Variants in VPS13B observed in about 807,000 individuals in gnomAD.
VPS13B encodes the protein vacuolar protein sorting 13 homolog B, also known as intermembrane lipid transfer protein VPS13B.
In VPS13B, 285 loss-of-function variants were observed where a neutral mutation model predicts 426.4. The observed-to-expected ratio is 0.67, with a 90% CI of 0.61 to 0.74. The LOEUF is 0.74. Among genes scored for constraint, VPS13B ranks in the 30% least tolerant of loss-of-function variants. The pLI, the probability that VPS13B is intolerant of heterozygous loss-of-function variation, is 0.00. For synonymous variants in VPS13B, 1,676 were observed against 1,676.4 expected, an observed-to-expected ratio of 1.00 and a Z score of 0.01; for missense variants, 4,537 against 4,782.6, an observed-to-expected ratio of 0.95 and a Z score of 1.51.
At chr8:99,788,448 A>G (rs1812382373) in intron 43 of VPS13B, among the ~76,000 whole-genome samples, 1 of 151,748 alleles carries the variant, frequency 6.6e-6, no homozygotes, top group African/African-American at 2.4e-5. Flanking sequence ...GCAGCAGAGC[A>G]TCTTGGAAAT....
At chr8:99,573,988 TG>T (rs2133804924) in intron 31 of VPS13B, among the ~76,000 whole-genome samples, 1 of 152,338 alleles carries the variant, frequency 6.6e-6, no homozygotes, top group Non-Finnish European at 1.5e-5. Flanking sequence ...AGCAGTGGTT[TG>T]TAGTTCTCCT....
intron 23 of VPS13B, among the ~76,000 whole-genome samples, chr8:99,448,886 T>C (rs891097287): frequency 2.0e-5 from 3 of 152,218 alleles, no homozygotes; most frequent in Non-Finnish European, 4.4e-5. Flanking sequence ...CAATCATTTA[T>C]GTTCAAGCAG....
At chr8:99,283,382 A>G (rs1011751454) in intron 19 of VPS13B, among the ~76,000 whole-genome samples, 5 of 152,166 alleles carry the variant, frequency 3.3e-5, no homozygotes, top group East Asian at 3.8e-4. Context: ...CCAGTTTTCT[A>G]TCACGTTCCC....
chr8:99,151,860 A>G (rs1262014428), intron 14 of VPS13B, among the ~76,000 whole-genome samples: 2 of 152,010 alleles, frequency 1.3e-5, no homozygotes, highest in Non-Finnish European at 2.9e-5. Flanking sequence ...AAAAATTATC[A>G]TTTTAGTGTC....
At chr8:99,465,985 T>C (rs1819090891) in intron 23 of VPS13B, among the ~76,000 whole-genome samples, 1 of 152,136 alleles carries the variant, frequency 6.6e-6, no homozygotes, top group Non-Finnish European at 1.5e-5. Context: ...TTCAAACTTA[T>C]AAGAATGTAT....
At chr8:99,756,956 T>C (rs1203957284) in intron 39 of VPS13B, among the ~76,000 whole-genome samples, 1 of 152,212 alleles carries the variant, frequency 6.6e-6, no homozygotes, top group Non-Finnish European at 1.5e-5. Context: ...TTAACTTCAC[T>C]GAGCCATATT....
At chr8:99,858,698 G>A (rs1816679903) in intron 56 of VPS13B, among the ~76,000 whole-genome samples, 1 of 151,842 alleles carries the variant, frequency 6.6e-6, no homozygotes, top group Non-Finnish European at 1.5e-5. Flanking sequence ...AAAAAAAAAT[G>A]TCCCTGTCTC....
chr8:99,335,227 G>A (rs146650535), intron 19 of VPS13B, among the ~76,000 whole-genome samples: 12 of 151,892 alleles, frequency 7.9e-5, no homozygotes, highest in Non-Finnish European at 1.5e-4. Context: ...ATTTTATTGC[G>A]TCTATTTGAT....
chr8:99,299,779 G>C (rs1820262401), intron 19 of VPS13B, among the ~76,000 whole-genome samples: 1 of 151,932 alleles, frequency 6.6e-6, no homozygotes, highest in African/African-American at 2.4e-5. Flanking sequence ...GCGTGGTGGT[G>C]GGCCTCTGTA....
intron 34 of VPS13B, among the ~76,000 whole-genome samples, chr8:99,648,363 G>T (rs1829678928): frequency 6.6e-6 from 1 of 152,174 alleles, no homozygotes; most frequent in Admixed American, 6.5e-5. Flanking sequence ...AAGTTCCAGA[G>T]AAGCAATTTA....
chr8:99,501,632 TTC>T, intron 25 of VPS13B, 53 bp from the exon 26 acceptor site: 3 of 1,530,658 alleles, frequency 2.0e-6, no homozygotes, highest in Non-Finnish European at 2.7e-6. Flanking sequence ...AATTTGTATT[TTC>T]TGTTATTTTT....
At chr8:99,047,691 C>CT (rs748390469) in intron 3 of VPS13B, among the ~76,000 whole-genome samples, 37 of 151,634 alleles carry the variant, frequency 2.4e-4, no homozygotes, top group Non-Finnish European at 4.3e-4. Flanking sequence ...CTTTCCTTTT[C>CT]TTTTTTTTAT....
chr8:99,350,035 G>C (rs563334204), intron 19 of VPS13B, among the ~76,000 whole-genome samples: 7 of 152,296 alleles, frequency 4.6e-5, no homozygotes, highest in African/African-American at 1.4e-4. Flanking sequence ...AGATTATACA[G>C]TCAGAGGTTC....
At chr8:99,439,354 G>A (rs1817566572) in intron 22 of VPS13B, among the ~76,000 whole-genome samples, 1 of 152,084 alleles carries the variant, frequency 6.6e-6, no homozygotes, top group African/African-American at 2.4e-5. Context: ...AATTCTGTAA[G>A]GATATTAATA....
At chr8:99,044,853 TACACACACACACACACACACACAC>T (rs60056711) in intron 3 of VPS13B, among the ~76,000 whole-genome samples, 18 of 139,888 alleles carry the variant, frequency 1.3e-4, no homozygotes, top group Admixed American at 6.5e-4. Context: ...TTCCATTTTA[TACACACACACACACACACACACAC>T]ACACACACAC....
intron 3 of VPS13B, among the ~76,000 whole-genome samples, chr8:99,047,436 T>A (rs1302084043): frequency 1.3e-5 from 2 of 151,896 alleles, no homozygotes; most frequent in Non-Finnish European, 2.9e-5. Context: ...TGGTTAATGT[T>A]GCTAATGGTC....
intron 16 of VPS13B, among the ~76,000 whole-genome samples, chr8:99,171,351 A>T (rs1018010343): frequency 6.6e-6 from 1 of 151,996 alleles, no homozygotes; most frequent in African/African-American, 2.4e-5. Context: ...GGTGATATCA[A>T]TTTTAATAGG....
intron 43 of VPS13B, among the ~76,000 whole-genome samples, chr8:99,799,608 G>C (rs1813024938): frequency 6.6e-6 from 1 of 152,106 alleles, no homozygotes; most frequent in African/African-American, 2.4e-5. Flanking sequence ...TCCATCTATT[G>C]ACTTCTTTTT....
At chr8:99,609,581 G>A (rs1305933386) in intron 33 of VPS13B, among the ~76,000 whole-genome samples, 1 of 152,162 alleles carries the variant, frequency 6.6e-6, no homozygotes, top group Non-Finnish European at 1.5e-5. Flanking sequence ...AAATCAGTTA[G>A]TACAGCTTGC....
Sources: gnomAD v4.1 joint callset for allele counts (sites outside exome capture counted in the v4.1 genomes callset) on GRCh38, gnomAD v4.1.1 for gene constraint, MANE v1.5 for transcripts, NCBI Gene and HGNC (gene_info 2026-07-23, HGNC 2026-07-21) for gene names.